The following PSTPIP2 variants were observed in gnomAD, a reference collection of about 807,000 sequenced individuals.
PSTPIP2 encodes proline-serine-threonine phosphatase-interacting protein 2.
In PSTPIP2, 33 loss-of-function variants were observed where a neutral mutation model predicts 63.3. The ratio of observed to expected loss-of-function variants is 0.52; its 90% CI spans 0.40 to 0.70. The LOEUF is 0.70. Among genes scored for constraint, PSTPIP2 ranks in the 30% least tolerant of loss-of-function variants. The pLI is 0.00. For synonymous variants in PSTPIP2, 125 were observed against 132.7 expected, an observed-to-expected ratio of 0.94 and a Z score of 0.40; for missense variants, 312 against 400.7, an observed-to-expected ratio of 0.78 and a Z score of 1.89.
chr18:46,063,517 G>A (rs185222947), intron 1 of PSTPIP2, among the ~76,000 whole-genome samples: 1 of 152,170 alleles, frequency 6.6e-6, no homozygotes, highest in Non-Finnish European at 1.5e-5. Flanking sequence ...GAGCCAAACT[G>A]GGAATCAAAC....
intron 2 of PSTPIP2, chr18:46,029,119 C>A: frequency 1.2e-6 from 1 of 827,270 alleles, no homozygotes; most frequent in Non-Finnish European, 2.2e-6. Context: ...TATTTTAGTG[C>A]TAATGGGGAA....
intron 1 of PSTPIP2, among the ~76,000 whole-genome samples, chr18:46,047,345 C>T (rs1908417091): frequency 1.3e-5 from 2 of 152,070 alleles, no homozygotes; most frequent in African/African-American, 2.4e-5. Context: ...GAGGCCAAGG[C>T]GGGCAGATCA....
intron 1 of PSTPIP2, chr18:46,041,079 T>C (rs1200238622): frequency 2.2e-6 from 1 of 456,864 alleles, no homozygotes; most frequent in East Asian, 6.9e-5. Flanking sequence ...TTAGCGCTAT[T>C]GAGGGTCAAG....
intron 1 of PSTPIP2, among the ~76,000 whole-genome samples, chr18:46,051,979 A>G (rs552226952): frequency 8.5e-5 from 13 of 152,350 alleles, no homozygotes; most frequent in African/African-American, 2.9e-4. Flanking sequence ...CTCCTGATCC[A>G]TGGCATTCCC....
chr18:46,050,773 T>C (rs980930660), intron 1 of PSTPIP2, among the ~76,000 whole-genome samples: 22 of 152,136 alleles, frequency 1.4e-4, no homozygotes, highest in African/African-American at 5.1e-4. Flanking sequence ...AGTTCATACT[T>C]GTTAATGTAC....
At chr18:46,028,575 T>G (rs902574073) in intron 2 of PSTPIP2, 2 of 748,898 alleles carry the variant, frequency 2.7e-6, no homozygotes, top group African/African-American at 1.7e-5. Flanking sequence ...CTTGGGAGAC[T>G]CAGAAGCGGA....
At chr18:46,054,640 G>C (rs999031920) in intron 1 of PSTPIP2, among the ~76,000 whole-genome samples, 4 of 151,112 alleles carry the variant, frequency 2.6e-5, no homozygotes, top group Admixed American at 1.3e-4. Context: ...ACCTAAAACC[G>C]CTCTAAATAA....
At chr18:46,059,156 C>T (rs1908895200) in intron 1 of PSTPIP2, among the ~76,000 whole-genome samples, 1 of 152,008 alleles carries the variant, frequency 6.6e-6, no homozygotes, top group African/African-American at 2.4e-5. Flanking sequence ...TCTGCCTCAG[C>T]CTCCTGAGTA....
chr18:46,031,904 A>G (rs903465561), intron 2 of PSTPIP2, among the ~76,000 whole-genome samples: 3 of 152,188 alleles, frequency 2.0e-5, no homozygotes, highest in African/African-American at 7.2e-5. Flanking sequence ...CTTTTTGGAG[A>G]AAAGAAGGAG....
intron 1 of PSTPIP2, among the ~76,000 whole-genome samples, chr18:46,071,558 G>T (rs576304811): frequency 1.2e-4 from 18 of 152,270 alleles, no homozygotes; most frequent in African/African-American, 4.1e-4. Flanking sequence ...ATGGCCTGGG[G>T]AGGGGGCTCG....
chr18:46,019,079 C>T (rs1334374503), intron 3 of PSTPIP2, among the ~76,000 whole-genome samples: 1 of 152,010 alleles, frequency 6.6e-6, no homozygotes, highest in Non-Finnish European at 1.5e-5. Flanking sequence ...CGAACTCCCT[C>T]GGAGGTGCCT....
Position 45,984,866 on chromosome 18 carries a change from G to A in PSTPIP2, c.*593C>T, listed in dbSNP as rs1471778218. The A allele has an allele frequency of 6.6e-6, 1 of 152,630 alleles. No individual in the cohort carries two copies. The highest frequency in any genetic ancestry group is 2.4e-5 in the African/African-American group (1 of 41,454). 9.5% of individuals were successfully genotyped at this position (152,630 alleles called of 1,614,324 possible). ...AAGGGTTAGAAGAATAGTGATGTGG[G>A]TTGGGCTCAGGCTCTAGTTCTGGTT... On this transcript the variant is annotated 3_prime_UTR_variant, in exon 15 of 15. Coordinates refer to ENST00000409746, the MANE Select transcript of PSTPIP2 (RefSeq NM_024430.4).
chr18:46,021,812 G>A (rs1309173297), intron 3 of PSTPIP2, among the ~76,000 whole-genome samples: 1 of 117,666 alleles, frequency 8.5e-6, no homozygotes, highest in African/African-American at 3.4e-5. Flanking sequence ...CCGGGCCACT[G>A]CACTCCAGCC....
chr18:45,988,035 A>C lies in PSTPIP2; in HGVS notation c.*8+667T>G, dbSNP rs111704971. The stretch of plus-strand genomic sequence containing the variant: ...TCCTCTTTTAGATGGTGGGAGAGTA[A>C]GCTAAAATCTAAATTACTTTAACAG... On this transcript the variant is annotated intron_variant, in intron 14 of 14. Coordinates refer to ENST00000409746, the MANE Select transcript of PSTPIP2 (RefSeq NM_024430.4). Among the ~76,000 whole-genome samples the C allele has an allele frequency of 9.0e-4, 137 of 152,304 alleles. 1 individual carries two copies. In the Middle Eastern group the frequency reaches 0.014, roughly 15 times the overall value.
chr18:46,012,582 G>A (rs974890654), intron 4 of PSTPIP2, among the ~76,000 whole-genome samples: 2 of 152,258 alleles, frequency 1.3e-5, no homozygotes, highest in African/African-American at 4.8e-5. Context: ...AGACCATTCT[G>A]GCAACATGGT....
At chr18:45,986,564 C>T (rs2051468528) in intron 14 of PSTPIP2, among the ~76,000 whole-genome samples, 1 of 152,232 alleles carries the variant, frequency 6.6e-6, no homozygotes. Flanking sequence ...AATTCCAAGT[C>T]ATTGATTTAC....
At chr18:45,996,038 A>G (rs1241077102) in intron 9 of PSTPIP2, among the ~76,000 whole-genome samples, 1 of 151,586 alleles carries the variant, frequency 6.6e-6, no homozygotes, top group Non-Finnish European at 1.5e-5. Context: ...CTGGTCTTGA[A>G]CTCCTGACCT....
chr18:46,045,652 A>G (rs924363138), intron 1 of PSTPIP2, among the ~76,000 whole-genome samples: 5 of 145,054 alleles, frequency 3.4e-5, no homozygotes, highest in Non-Finnish European at 6.1e-5. Flanking sequence ...CCTAAAACTT[A>G]AAGTATAACA....
chr18:46,006,665 C>T (rs990825964), intron 5 of PSTPIP2, among the ~76,000 whole-genome samples: 2 of 152,142 alleles, frequency 1.3e-5, no homozygotes, highest in Non-Finnish European at 2.9e-5. Context: ...TGAGCCACCG[C>T]GCCCGGCCTC....
Sources: allele counts gnomAD v4.1 joint callset (sites outside exome capture counted in the v4.1 genomes callset), GRCh38; gene constraint gnomAD v4.1.1; transcripts MANE v1.5; gene names NCBI Gene and HGNC (gene_info 2026-07-23, HGNC 2026-07-21).